COL23A1: variants seen among roughly 807,000 people sequenced by gnomAD.
COL23A1 encodes the protein collagen alpha-1(XXIII) chain.
A neutral mutation model predicts 99.3 loss-of-function variants in COL23A1; 97 were observed. That is an observed-to-expected ratio of 0.98 (90% CI 0.83 to 1.16). The LOEUF (loss-of-function observed/expected upper bound fraction) is 1.16. COL23A1 is among the 50% of genes most tolerant of loss of function. The pLI is 0.00. For missense variants in COL23A1, 762 were observed against 757.4 expected, an observed-to-expected ratio of 1.01 and a Z score of -0.07; for synonymous variants, 320 against 308.2, an observed-to-expected ratio of 1.04 and a Z score of -0.40.
intron 2 of COL23A1, among the ~76,000 whole-genome samples, chr5:178,476,781 A>G (rs960914080): frequency 6.6e-6 from 1 of 152,258 alleles, no homozygotes; most frequent in Non-Finnish European, 1.5e-5. Flanking sequence ...TGTGCCAGCC[A>G]CCATGCTAGG....
intron 2 of COL23A1, among the ~76,000 whole-genome samples, chr5:178,466,451 TC>T (rs1756427818): frequency 6.6e-6 from 1 of 152,116 alleles, no homozygotes; most frequent in Admixed American, 6.5e-5. Flanking sequence ...AGCTGGAAGG[TC>T]CCAGCTCTCA....
intron 2 of COL23A1, among the ~76,000 whole-genome samples, chr5:178,510,247 A>G (rs191326238): frequency 7.2e-5 from 11 of 152,344 alleles, no homozygotes; most frequent in Non-Finnish European, 1.3e-4. Context: ...ACAGAATTAG[A>G]ACACACATTG....
At position 178,365,127 on chromosome 5, in the gene COL23A1, C is replaced by CTG. The variant is rs1186715239; in HGVS notation, c.362-58210_362-58209dup. Among the ~76,000 whole-genome samples the CTG allele has an allele frequency of 4.2e-5, 5 of 120,398 alleles. No homozygotes were observed. Among genetic ancestry groups the CTG allele is most frequent in the East Asian group, 8.2e-4 (2 of 2,426 alleles). The allele number at this position is 120,398 out of a possible 152,430, so 79.0% of individuals were successfully genotyped here. A position where few individuals can be genotyped will look rare whatever the true frequency, so the allele number is the denominator to read the frequency against. Reference sequence around the variant, plus strand: ...CTTTGGGGTGGGCTTTATGATGTTGCTGTGTGTGCGTGTGTGTGTGTGTGT... The same window carrying CTG: ...CTTTGGGGTGGGCTTTATGATGTTGCTGTGTGTGTGCGTGTGTGTGTGTGTGT... On this transcript the variant is annotated intron_variant, in intron 2 of 28. Coordinates refer to ENST00000390654, the MANE Select transcript of COL23A1 (RefSeq NM_173465.4). The surrounding 1 kb of genome is among the most constrained non-coding windows in gnomAD (Gnocchi z 5.2).
At chr5:178,345,111 C>T in intron 2 of COL23A1, 1 of 598,932 alleles carries the variant, frequency 1.7e-6, no homozygotes, top group Non-Finnish European at 3.2e-6. Flanking sequence ...CACGACATCT[C>T]CCAGGAAGAT....
chr5:178,481,092 G>A (rs149193775), intron 2 of COL23A1, among the ~76,000 whole-genome samples: 33 of 136,960 alleles, frequency 2.4e-4, no homozygotes, highest in African/African-American at 8.1e-4. Context: ...AGGCTGCAGC[G>A]AGCCGAGATC....
intron 4 of COL23A1, 66 bp from the exon 5 acceptor site, chr5:178,288,416 C>A (rs1293957189): frequency 1.4e-6 from 2 of 1,399,690 alleles, no homozygotes; most frequent in African/African-American, 2.8e-5. Flanking sequence ...ACACTTAGAG[C>A]TCAATCAGGG....
chr5:178,334,274 C>G (rs1760198600), intron 2 of COL23A1, among the ~76,000 whole-genome samples: 1 of 152,186 alleles, frequency 6.6e-6, no homozygotes, highest in Admixed American at 6.5e-5. Context: ...TCCACATCAG[C>G]AAGACGACCC....
intron 2 of COL23A1, among the ~76,000 whole-genome samples, chr5:178,435,120 G>T (rs1766486672): frequency 1.3e-5 from 2 of 152,160 alleles, no homozygotes; most frequent in Admixed American, 6.5e-5. Flanking sequence ...AAATTACTTT[G>T]GGGTCACAGT....
chr5:178,576,268 A>C, intron 1 of COL23A1, among the ~76,000 whole-genome samples: 1 of 151,738 alleles, frequency 6.6e-6, no homozygotes, highest in Non-Finnish European at 1.5e-5. Context: ...ACGGAGTCTC[A>C]CTCTTGTCGC....
chr5:178,320,781 C>T (rs1357464889), intron 2 of COL23A1, among the ~76,000 whole-genome samples: 1 of 152,212 alleles, frequency 6.6e-6, no homozygotes, highest in Non-Finnish European at 1.5e-5. Flanking sequence ...ATGTGCCTGG[C>T]CCTTGTCAGC....
At chr5:178,585,590 G>A (rs1694805) in intron 1 of COL23A1, among the ~76,000 whole-genome samples, 872 of 71,256 alleles carry the variant, frequency 0.012, 3 homozygotes, top group African/African-American at 0.041. Context: ...GCCCTGGATG[G>A]CGCTGGGGTA....
chr5:178,474,972 A>G (rs1756951401), intron 2 of COL23A1, among the ~76,000 whole-genome samples: 1 of 152,182 alleles, frequency 6.6e-6, no homozygotes, highest in African/African-American at 2.4e-5. Flanking sequence ...TGCCCCTCCT[A>G]CATTCCTGTG....
intron 2 of COL23A1, among the ~76,000 whole-genome samples, chr5:178,444,475 G>A (rs754806660): frequency 6.6e-6 from 1 of 152,132 alleles, no homozygotes; most frequent in Non-Finnish European, 1.5e-5. Flanking sequence ...GACATGAGAT[G>A]GTGAGACAGT....
intron 2 of COL23A1, among the ~76,000 whole-genome samples, chr5:178,323,639 G>C (rs879457899): frequency 6.6e-6 from 1 of 152,166 alleles, no homozygotes; most frequent in Non-Finnish European, 1.5e-5. Context: ...TCCAGTGCAA[G>C]CCTGGGCTTC....
At chr5:178,300,154 T>C (rs2973792) in intron 3 of COL23A1, among the ~76,000 whole-genome samples, 101,070 of 151,738 alleles carry the variant, frequency 0.67, 34,297 homozygotes, top group Non-Finnish European at 0.71. Flanking sequence ...CAACCTCCGC[T>C]CCTCCAGGTT....
At chr5:178,328,414 T>A (rs983668145) in intron 2 of COL23A1, among the ~76,000 whole-genome samples, 2 of 152,212 alleles carry the variant, frequency 1.3e-5, no homozygotes, top group Non-Finnish European at 2.9e-5. Context: ...CACGGCCACC[T>A]TCTTAGCGCA....
chr5:178,576,963 G>A (rs1244649110), intron 1 of COL23A1, among the ~76,000 whole-genome samples: 1 of 151,816 alleles, frequency 6.6e-6, no homozygotes, highest in African/African-American at 2.4e-5. Flanking sequence ...CTGCGCCCCG[G>A]CCCCAGCGCA....
intron 5 of COL23A1, among the ~76,000 whole-genome samples, chr5:178,287,230 A>C (rs1561827666): frequency 6.6e-6 from 1 of 152,160 alleles, no homozygotes; most frequent in East Asian, 1.9e-4. Context: ...TTCACATTTC[A>C]TTCTTACTTC....
intron 2 of COL23A1, among the ~76,000 whole-genome samples, chr5:178,361,688 C>T (rs529191686): frequency 1.1e-3 from 163 of 152,316 alleles, no homozygotes; most frequent in Admixed American, 2.4e-3. Context: ...ACCCTGACGG[C>T]TCCCAATTCT....
Sources: allele counts gnomAD v4.1 joint callset (sites outside exome capture counted in the v4.1 genomes callset), GRCh38; gene constraint gnomAD v4.1.1; non-coding constraint Gnocchi (gnomAD v3.1); transcripts MANE v1.5; gene names NCBI Gene and HGNC (gene_info 2026-07-23, HGNC 2026-07-21).